The following COL4A2 variants were observed in gnomAD, a reference collection of about 807,000 sequenced individuals.
The protein encoded by COL4A2 is collagen type IV alpha 2 chain, also known as collagen alpha-2(IV) chain.
In COL4A2, 99 loss-of-function variants were observed where a neutral mutation model predicts 200.2. That is an observed-to-expected ratio of 0.49 (90% CI 0.42 to 0.58). The LOEUF (loss-of-function observed/expected upper bound fraction) is 0.58, where lower values mean the gene tolerates loss of function less well. Ranked by LOEUF, COL4A2 falls within the 20% of genes least tolerant of loss-of-function variation. COL4A2 has a pLI of 0.00. For synonymous variants in COL4A2, 897 were observed against 900.6 expected, an observed-to-expected ratio of 1.00 and a Z score of 0.07; for missense variants, 1,950 against 2,314.1, an observed-to-expected ratio of 0.84 and a Z score of 3.23.
At chr13:110,474,017 CAT>C (rs1288551603) in intron 29 of COL4A2, among the ~76,000 whole-genome samples, 2 of 152,042 alleles carry the variant, frequency 1.3e-5, no homozygotes, top group Non-Finnish European at 2.9e-5. Flanking sequence ...ATCCCAACTA[CAT>C]GGGAAGCTGA....
intron 3 of COL4A2, among the ~76,000 whole-genome samples, chr13:110,330,899 A>G (rs2139361299): frequency 6.6e-6 from 1 of 152,220 alleles, no homozygotes; most frequent in Admixed American, 6.5e-5. Context: ...TGGTAATCAG[A>G]CTATTAGGCT....
At chr13:110,484,359 G>A (rs142397835) in intron 32 of COL4A2, among the ~76,000 whole-genome samples, 3 of 152,036 alleles carry the variant, frequency 2.0e-5, no homozygotes, top group Non-Finnish European at 4.4e-5. Flanking sequence ...CATGGATTCC[G>A]GGGCATCCCC....
chr13:110,361,525 C>T (rs187946693), intron 4 of COL4A2, among the ~76,000 whole-genome samples: 11 of 152,356 alleles, frequency 7.2e-5, no homozygotes, highest in African/African-American at 2.4e-4. Flanking sequence ...CCCAGTTCAT[C>T]TGTGCGTCAC....
intron 16 of COL4A2, among the ~76,000 whole-genome samples, chr13:110,445,270 G>C (rs1030639034): frequency 6.6e-6 from 1 of 152,106 alleles, no homozygotes; most frequent in Non-Finnish European, 1.5e-5. Context: ...GTTGGTTCAG[G>C]TTGTCAACAC....
At chr13:110,457,873 T>C (rs1881837087) in intron 21 of COL4A2, among the ~76,000 whole-genome samples, 1 of 152,176 alleles carries the variant, frequency 6.6e-6, no homozygotes, top group Admixed American at 6.5e-5. Context: ...TGAGACTCGG[T>C]AGAGTGACGT....
chr13:110,380,207 G>A (rs1207195850), intron 4 of COL4A2, among the ~76,000 whole-genome samples: 1 of 152,200 alleles, frequency 6.6e-6, no homozygotes, highest in Non-Finnish European at 1.5e-5. Context: ...TTAACCCCCA[G>A]GAGCCTCTTA....
Position 110,449,706 on chromosome 13 carries a change from G to A in COL4A2, c.1106G>A (p.Gly369Glu). Residue 369 changes from glycine (G) to glutamate (E), a missense_variant, in exon 19 of 48, where the codon GGG (glycine) becomes GAG (glutamate). Gly to Glu is a moderately conservative substitution (Grantham distance 98). Around this residue, in one of 2 missense-constraint regions of COL4A2, gnomAD observed 565 missense variants for 593.5 expected, o/e 0.95. Transcript: ENST00000360467. ...KGARGDPGFP[G>E]AQGEPGSQGE... Reference sequence around the variant, plus strand: ...GCCAGAGGTGACCCGGGATTCCCAGGGGCCCAAGGGGAGCCAGGAAGCCAG... The same window carrying A: ...GCCAGAGGTGACCCGGGATTCCCAGAGGCCCAAGGGGAGCCAGGAAGCCAG... 1 of 1,549,208 alleles carries A rather than the reference G, an allele frequency of 6.5e-7. No individual in the cohort carries two copies. Among genetic ancestry groups the A allele is most frequent in the Non-Finnish European group, 8.7e-7 (1 of 1,145,788 alleles).
chr13:110,404,592 A>T (rs916079703), intron 4 of COL4A2, among the ~76,000 whole-genome samples: 3 of 152,206 alleles, frequency 2.0e-5, no homozygotes, highest in African/African-American at 7.2e-5. Context: ...GGGTCCCCAT[A>T]TGGACCCACC....
intron 4 of COL4A2, among the ~76,000 whole-genome samples, chr13:110,416,481 G>T (rs942664885): frequency 6.6e-6 from 1 of 152,314 alleles, no homozygotes; most frequent in African/African-American, 2.4e-5. Context: ...GGTAATAAAA[G>T]GCTTTCCCAG....
intron 45 of COL4A2, among the ~76,000 whole-genome samples, chr13:110,505,640 G>C (rs1883835699): frequency 6.6e-6 from 1 of 152,208 alleles, no homozygotes. Flanking sequence ...TATTCACAGA[G>C]CTGCTGTGCT....
chr13:110,433,893 G>A (rs1046312196), intron 11 of COL4A2, among the ~76,000 whole-genome samples: 1 of 152,092 alleles, frequency 6.6e-6, no homozygotes, highest in African/African-American at 2.4e-5. Context: ...CAAAAAGTTT[G>A]GATAAAGCCC....
chr13:110,392,583 A>G (rs1188925712), intron 4 of COL4A2, among the ~76,000 whole-genome samples: 2 of 152,182 alleles, frequency 1.3e-5, no homozygotes, highest in African/African-American at 4.8e-5. Flanking sequence ...TGTATTGTGC[A>G]GCAGCAGATG....
At chr13:110,368,225 C>T (rs996493657) in intron 4 of COL4A2, among the ~76,000 whole-genome samples, 1 of 152,150 alleles carries the variant, frequency 6.6e-6, no homozygotes, top group African/African-American at 2.4e-5. Flanking sequence ...ATAGACTTTA[C>T]TGGTAACTTA....
At chr13:110,330,886 G>A (rs1274659594) in intron 3 of COL4A2, among the ~76,000 whole-genome samples, 1 of 152,100 alleles carries the variant, frequency 6.6e-6, no homozygotes, top group Non-Finnish European at 1.5e-5. Context: ...TCTCTAAATG[G>A]TTTGGTAATC....
intron 3 of COL4A2, among the ~76,000 whole-genome samples, chr13:110,308,759 CTGCCGA>C (rs1884885961): frequency 6.6e-6 from 1 of 152,216 alleles, no homozygotes; most frequent in South Asian, 2.1e-4. Context: ...GTGCACAGCC[CTGCCGA>C]TACCGTGGGT....
At chr13:110,453,169 G>A (rs1881607002) in intron 20 of COL4A2, among the ~76,000 whole-genome samples, 2 of 152,224 alleles carry the variant, frequency 1.3e-5, no homozygotes, top group South Asian at 4.1e-4. Context: ...TTTTTCTGGA[G>A]CAGAACATGA....
chr13:110,482,634 T>G lies in COL4A2; in HGVS notation c.2877T>G (p.Gly959=). The G allele has an allele frequency of 1.2e-6, 2 of 1,614,008 alleles. No homozygotes were observed. Among genetic ancestry groups the G allele is most frequent in the Non-Finnish European group, 1.7e-6 (2 of 1,179,972 alleles). The change falls in exon 32 of 48, where the codon GGT becomes GGG. Residue 959 remains glycine (G), a synonymous_variant. Transcript: ENST00000360467. Reference sequence around the variant, plus strand: ...TTTTCGGAATACCCGGTCTGAAGGGTCTGGCTGGTGAGCCAGGTTTTAAAG... The same window carrying G: ...TTTTCGGAATACCCGGTCTGAAGGGGCTGGCTGGTGAGCCAGGTTTTAAAG... ...AGFFGIPGLK[G]LAGEPGFKGS... is the part of the protein sequence containing the mutation.
chr13:110,473,721 C>G (rs374509565), intron 29 of COL4A2: 1 of 152,272 alleles, frequency 6.6e-6, no homozygotes, highest in East Asian at 1.9e-4. Context: ...TTTGGGAACC[C>G]GAGCCCCGAG....
intron 22 of COL4A2, among the ~76,000 whole-genome samples, chr13:110,460,471 C>A (rs1881983216): frequency 6.6e-6 from 1 of 152,126 alleles, no homozygotes; most frequent in African/African-American, 2.4e-5. Context: ...TGCACATATA[C>A]CAATGGCAAA....
Sources: allele counts gnomAD v4.1 joint callset (sites outside exome capture counted in the v4.1 genomes callset), GRCh38; gene constraint gnomAD v4.1.1; regional missense constraint gnomAD v4.1.1; transcripts MANE v1.5; gene names NCBI Gene and HGNC (gene_info 2026-07-23, HGNC 2026-07-21).